Variants in PIK3R3 observed in about 807,000 individuals in gnomAD.
PIK3R3 encodes the protein phosphatidylinositol 3-kinase regulatory subunit gamma.
Under a neutral mutation model 62.9 loss-of-function variants are expected in PIK3R3, and 64 were observed. The observed-to-expected ratio is 1.02, with a 90% CI of 0.83 to 1.25. The LOEUF is 1.25. Among genes scored for constraint, PIK3R3 ranks in the 50% most tolerant of loss-of-function variants. The pLI is 0.00. For synonymous variants in PIK3R3, 165 were observed against 189.0 expected (o/e 0.87, Z 1.04); for missense variants, 614 against 561.6 (o/e 1.09, Z -0.94).
chr1:46,146,677 C>T, the PIK3R3 span, among the ~76,000 whole-genome samples: 11 of 143,280 alleles, frequency 7.7e-5, no homozygotes, highest in Non-Finnish European at 3.0e-5. Flanking sequence ...CCCCCCTCCC[C>T]TCCAACTCTA....
intron 5 of PIK3R3, among the ~76,000 whole-genome samples, chr1:46,062,946 T>C (rs785510): frequency 0.71 from 108,227 of 151,494 alleles, 38,769 homozygotes; most frequent in African/African-American, 0.75. Context: ...ACCACACACC[T>C]AGCTTAAGCA....
Position 46,045,913 on chromosome 1 carries a change from C to A in PIK3R3, c.1187+5G>T. The A allele has an allele frequency of 6.2e-7, 1 of 1,610,520 alleles. No individual in the cohort carries two copies. Among genetic ancestry groups the A allele is most frequent in the Non-Finnish European group, 8.5e-7 (1 of 1,177,218 alleles). ...CAAAAGGTTATATCCCCAGAGAAGA[C>A]TTACACCACAGAGCAAGCATAGCAT... is the stretch of plus-strand genomic sequence containing the variant. On this transcript the variant is annotated splice_donor_5th_base_variant and intron_variant, in intron 9 of 9. Coordinates refer to ENST00000262741, the MANE Select transcript of PIK3R3 (RefSeq NM_003629.4).
chr1:46,170,290 G>C, the PIK3R3 span, among the ~76,000 whole-genome samples: 1 of 152,020 alleles, frequency 6.6e-6, no homozygotes, highest in Non-Finnish European at 1.5e-5. Flanking sequence ...CTTTCTTTAG[G>C]TTATGTTTTC....
At chr1:46,087,991 T>C (rs895840628) in intron 1 of PIK3R3, among the ~76,000 whole-genome samples, 7 of 151,880 alleles carry the variant, frequency 4.6e-5, no homozygotes, top group African/African-American at 1.7e-4. Context: ...GGGTATAGAG[T>C]TTCAACTGGG....
intron 2 of PIK3R3, among the ~76,000 whole-genome samples, chr1:46,078,152 A>G (rs568338595): frequency 6.6e-6 from 1 of 152,212 alleles, no homozygotes; most frequent in Non-Finnish European, 1.5e-5. Context: ...AGGGCATAAA[A>G]GACCCTTGAA....
chr1:46,142,793 G>A, the PIK3R3 span, among the ~76,000 whole-genome samples: 2 of 152,188 alleles, frequency 1.3e-5, no homozygotes, highest in Admixed American at 6.5e-5. Context: ...AAGCTACAGG[G>A]TAGGCATGAA....
intron 1 of PIK3R3, among the ~76,000 whole-genome samples, chr1:46,117,590 G>C (rs1037968808): frequency 2.0e-5 from 3 of 151,886 alleles, no homozygotes; most frequent in African/African-American, 7.3e-5. Context: ...CTTCAAAAAA[G>C]AGAAAAATTA....
chr1:46,045,822 T>A (rs180748261), intron 9 of PIK3R3, 96 bp downstream of exon 9: 1 of 1,113,046 alleles, frequency 9.0e-7, no homozygotes, highest in East Asian at 2.4e-5. Flanking sequence ...CTCGTTACTG[T>A]ACATTAACTA....
At chr1:46,121,659 A>G (rs930037984) in intron 1 of PIK3R3, among the ~76,000 whole-genome samples, 1 of 152,096 alleles carries the variant, frequency 6.6e-6, no homozygotes, top group Admixed American at 6.6e-5. Flanking sequence ...TTTAAAAATA[A>G]ATAGTTAATA....
At chr1:46,112,371 C>T (rs1282658403) in intron 1 of PIK3R3, among the ~76,000 whole-genome samples, 2 of 152,136 alleles carry the variant, frequency 1.3e-5, no homozygotes, top group African/African-American at 4.8e-5. Flanking sequence ...GATATTCAGG[C>T]TGTTTTTAGT....
intron 7 of PIK3R3, among the ~76,000 whole-genome samples, chr1:46,052,570 T>A (rs1476761512): frequency 1.3e-5 from 2 of 152,188 alleles, no homozygotes; most frequent in Admixed American, 6.5e-5. Flanking sequence ...CCCACTCATA[T>A]CAAGATTCGA....
At chr1:46,173,074 G>A in the PIK3R3 span, among the ~76,000 whole-genome samples, 1 of 152,180 alleles carries the variant, frequency 6.6e-6, no homozygotes, top group Admixed American at 6.5e-5. Context: ...TTAGTTGGAT[G>A]GTGTGTTAGT....
At chr1:46,110,870 G>T (rs61137192) in intron 1 of PIK3R3, among the ~76,000 whole-genome samples, 1,810 of 147,008 alleles carry the variant, frequency 0.012, 45 homozygotes, top group African/African-American at 0.042. Flanking sequence ...GAAAAAGTTG[G>T]TTTTTTTTTT....
the PIK3R3 span, among the ~76,000 whole-genome samples, chr1:46,143,197 G>T: frequency 6.6e-6 from 1 of 152,148 alleles, no homozygotes; most frequent in Non-Finnish European, 1.5e-5. Context: ...TCATTTCCAG[G>T]ACCTCACTGG....
the PIK3R3 span, among the ~76,000 whole-genome samples, chr1:46,157,187 G>C: frequency 1.3e-5 from 2 of 152,206 alleles, no homozygotes; most frequent in Non-Finnish European, 2.9e-5. Context: ...AGGCTGGAGT[G>C]CAGTGGTGTA....
At chr1:46,082,984 C>T (rs541352352) in intron 1 of PIK3R3, among the ~76,000 whole-genome samples, 1 of 152,202 alleles carries the variant, frequency 6.6e-6, no homozygotes, top group South Asian at 2.1e-4. Context: ...GAGGCTGAAG[C>T]AGGAGAATTG....
chr1:46,082,896 T>G (rs558921948), intron 1 of PIK3R3, among the ~76,000 whole-genome samples: 1 of 152,016 alleles, frequency 6.6e-6, no homozygotes, highest in African/African-American at 2.4e-5. Context: ...CTGGCCAACA[T>G]GATTAAACCC....
At chr1:46,071,740 G>T (rs1369162253) in intron 3 of PIK3R3, among the ~76,000 whole-genome samples, 172 of 107,490 alleles carry the variant, frequency 1.6e-3, no homozygotes, top group African/African-American at 2.8e-3. Flanking sequence ...TAGAGAGAGA[G>T]AGAGAGAGAG....
the PIK3R3 span, among the ~76,000 whole-genome samples, chr1:46,138,397 C>T: frequency 1.3e-5 from 2 of 152,202 alleles, no homozygotes; most frequent in East Asian, 1.9e-4. Flanking sequence ...TGGTGGCTCA[C>T]GCCCATAATC....
Sources: allele counts gnomAD v4.1 joint callset (sites outside exome capture counted in the v4.1 genomes callset), GRCh38; gene constraint gnomAD v4.1.1; transcripts MANE v1.5; gene names NCBI Gene and HGNC (gene_info 2026-07-23, HGNC 2026-07-21).